IGSF21: variants seen among roughly 807,000 people sequenced by gnomAD.
The protein encoded by IGSF21 is immunoglobin superfamily member 21.
A neutral mutation model predicts 46.8 loss-of-function variants in IGSF21; 28 were observed. That is an observed-to-expected ratio of 0.60 (90% confidence interval 0.44 to 0.82). IGSF21 has a LOEUF of 0.82. Among genes scored for constraint, IGSF21 ranks in the 40% least tolerant of loss-of-function variants. IGSF21 has a pLI of 0.00. For missense variants in IGSF21, 624 were observed against 665.5 expected (o/e 0.94, Z 0.69); for synonymous variants, 284 against 273.6 (o/e 1.04, Z -0.38).
At chr1:18,285,116 C>T (rs2085199982) in intron 2 of IGSF21, among the ~76,000 whole-genome samples, 1 of 152,054 alleles carries the variant, frequency 6.6e-6, no homozygotes, top group African/African-American at 2.4e-5. Flanking sequence ...CTATTTCCAA[C>T]CTGTAATTGG....
intron 2 of IGSF21, among the ~76,000 whole-genome samples, chr1:18,241,061 G>A (rs1321219917): frequency 6.6e-6 from 1 of 152,162 alleles, no homozygotes; most frequent in Non-Finnish European, 1.5e-5. Flanking sequence ...GGCTGTAAAT[G>A]TCCAGAGAAA....
In IGSF21 at chr1:18,365,507, C is replaced by A; in HGVS notation, c.825C>A (p.Pro275=). Reference sequence around the variant, plus strand: ...AGACGGTCGTGAGCCGTGAGTTTCCCCGCTGGGTCCACAGCGCCGAGCCCA... The same window carrying A: ...AGACGGTCGTGAGCCGTGAGTTTCCACGCTGGGTCCACAGCGCCGAGCCCA... ...IPETVVSREF[P]RWVHSAEPTY... The change falls in exon 6 of 10, where the codon CCC becomes CCA. Residue 275 remains proline (P), a synonymous_variant. Coordinates refer to ENST00000251296, the MANE Select transcript of IGSF21 (RefSeq NM_032880.5). The surrounding 1 kb of genome is among the most constrained non-coding windows in gnomAD (Gnocchi z 4.8). 6.2e-7 allele frequency: 1 copy of A among 1,614,124 alleles called. No individual in the cohort carries two copies. The highest frequency in any genetic ancestry group is 8.5e-7 in the Non-Finnish European group (1 of 1,180,032).
chr1:18,162,371 G>A (rs182874685), intron 1 of IGSF21, among the ~76,000 whole-genome samples: 36 of 152,182 alleles, frequency 2.4e-4, no homozygotes, highest in East Asian at 2.1e-3. Flanking sequence ...TCTACTTTAC[G>A]TTAATGGTGT....
chr1:18,317,915 T>G (rs1449860779), intron 3 of IGSF21, among the ~76,000 whole-genome samples: 1 of 152,168 alleles, frequency 6.6e-6, no homozygotes, highest in East Asian at 1.9e-4. Flanking sequence ...CACAGAGTGG[T>G]AGAGTGACTT....
At chr1:18,146,197 G>C (rs1476558769) in intron 1 of IGSF21, among the ~76,000 whole-genome samples, 1 of 152,200 alleles carries the variant, frequency 6.6e-6, no homozygotes, top group Non-Finnish European at 1.5e-5. Flanking sequence ...CTCTCCATTA[G>C]TTTCCGAATT....
intron 3 of IGSF21, among the ~76,000 whole-genome samples, chr1:18,324,759 GC>G (rs2085641359): frequency 6.6e-6 from 1 of 152,070 alleles, no homozygotes; most frequent in South Asian, 2.1e-4. Flanking sequence ...CTGTCCAATG[GC>G]CCCACCCCTC....
At chr1:18,294,898 C>T (rs927803535) in intron 3 of IGSF21, among the ~76,000 whole-genome samples, 3 of 152,334 alleles carry the variant, frequency 2.0e-5, no homozygotes, top group East Asian at 1.9e-4. Context: ...CGACGGGGCG[C>T]GGGACTCCGC....
chr1:18,190,294 G>T (rs147747372), intron 1 of IGSF21, among the ~76,000 whole-genome samples: 1 of 152,142 alleles, frequency 6.6e-6, no homozygotes, highest in Non-Finnish European at 1.5e-5. Context: ...TGAGAGTACC[G>T]CAATCTCCTG....
At chr1:18,135,314 G>T (rs2086358544) in intron 1 of IGSF21, among the ~76,000 whole-genome samples, 1 of 151,968 alleles carries the variant, frequency 6.6e-6, no homozygotes, top group Non-Finnish European at 1.5e-5. Context: ...ACAACATGCA[G>T]GTTAGTTACA....
chr1:18,312,619 C>T (rs2085500513), intron 3 of IGSF21, among the ~76,000 whole-genome samples: 1 of 152,194 alleles, frequency 6.6e-6, no homozygotes, highest in South Asian at 2.1e-4. Flanking sequence ...AATGGCATCG[C>T]TCTGGCCTCT....
intron 3 of IGSF21, among the ~76,000 whole-genome samples, chr1:18,310,986 G>C (rs1321245045): frequency 6.6e-6 from 1 of 152,158 alleles, no homozygotes; most frequent in Non-Finnish European, 1.5e-5. Context: ...CCCAACTCCA[G>C]CCTGACTTTA....
At chr1:18,111,921 C>T (rs2086148625) in intron 1 of IGSF21, 1 of 152,212 alleles carries the variant, frequency 6.6e-6, no homozygotes, top group Non-Finnish European at 1.5e-5. Flanking sequence ...CCCAGGTCAT[C>T]TGAGTGATGC....
chr1:18,189,438 G>A (rs1021178090), intron 1 of IGSF21, among the ~76,000 whole-genome samples: 3 of 152,114 alleles, frequency 2.0e-5, no homozygotes, highest in East Asian at 1.9e-4. Flanking sequence ...GGGCAGGGGC[G>A]AAGGTTTCAG....
intron 3 of IGSF21, among the ~76,000 whole-genome samples, chr1:18,306,329 G>A (rs1367971117): frequency 6.6e-6 from 1 of 152,052 alleles, no homozygotes; most frequent in Non-Finnish European, 1.5e-5. Flanking sequence ...CTTCTACCCT[G>A]GTGTCAGATC....
chr1:18,279,980 G>A (rs968434603), intron 2 of IGSF21, among the ~76,000 whole-genome samples: 2 of 152,234 alleles, frequency 1.3e-5, no homozygotes, highest in Admixed American at 6.5e-5. Flanking sequence ...CCGAGGACTG[G>A]CAGCCCCTTC....
At chr1:18,156,226 G>A (rs1049350065) in intron 1 of IGSF21, among the ~76,000 whole-genome samples, 5 of 152,168 alleles carry the variant, frequency 3.3e-5, no homozygotes, top group African/African-American at 1.2e-4. Flanking sequence ...GGCTGGCATG[G>A]AATTCTCCAC....
At chr1:18,320,051 T>A (rs2085585753) in intron 3 of IGSF21, among the ~76,000 whole-genome samples, 1 of 152,196 alleles carries the variant, frequency 6.6e-6, no homozygotes, top group Non-Finnish European at 1.5e-5. Flanking sequence ...AGATAGCTAT[T>A]GCCTTCTCAG....
chr1:18,139,958 T>A (rs77155325), intron 1 of IGSF21, among the ~76,000 whole-genome samples: 4,768 of 152,078 alleles, frequency 0.031, 274 homozygotes, highest in African/African-American at 0.11. Context: ...AAATAAAAAA[T>A]TTTATTTAGA....
chr1:18,260,955 G>A (rs1306472039), intron 2 of IGSF21, among the ~76,000 whole-genome samples: 1 of 152,228 alleles, frequency 6.6e-6, no homozygotes, highest in East Asian at 1.9e-4. Flanking sequence ...CAGAGTGAGG[G>A]AGCAGCAGAT....
Sources: allele counts gnomAD v4.1 joint callset (sites outside exome capture counted in the v4.1 genomes callset), GRCh38; gene constraint gnomAD v4.1.1; non-coding constraint Gnocchi (gnomAD v3.1); transcripts MANE v1.5; gene names NCBI Gene and HGNC (gene_info 2026-07-23, HGNC 2026-07-21).